Variants in EZH2 observed in about 807,000 individuals in gnomAD.
EZH2 encodes histone-lysine N-methyltransferase EZH2.
Under a neutral mutation model 98.4 loss-of-function variants are expected in EZH2, and 18 were observed. That is an observed-to-expected ratio of 0.18 (90% confidence interval 0.13 to 0.27). The LOEUF (loss-of-function observed/expected upper bound fraction) is 0.27, where lower values mean the gene tolerates loss of function less well. EZH2 is among the 10% of genes least tolerant of loss of function. EZH2 has a pLI of 1.00. For synonymous variants in EZH2, 338 were observed against 312.3 expected, an observed-to-expected ratio of 1.08 and a Z score of -0.87; for missense variants, 470 against 935.1, an observed-to-expected ratio of 0.50 and a Z score of 6.49.
intron 4 of EZH2, among the ~76,000 whole-genome samples, chr7:148,830,804 C>T (rs1302525197): frequency 6.6e-6 from 1 of 152,088 alleles, no homozygotes; most frequent in African/African-American, 2.4e-5. Context: ...AGTTGACATT[C>T]ATAGGAGGAA....
intron 3 of EZH2, among the ~76,000 whole-genome samples, chr7:148,845,065 A>G (rs777280118): frequency 2.0e-5 from 3 of 152,206 alleles, no homozygotes; most frequent in Non-Finnish European, 4.4e-5. Context: ...GTTGACTTTT[A>G]TTATAAACCT....
chr7:148,872,114 T>C (rs1563071614), intron 1 of EZH2, among the ~76,000 whole-genome samples: 1 of 152,190 alleles, frequency 6.6e-6, no homozygotes, highest in South Asian at 2.1e-4. Flanking sequence ...GATTTTAAAA[T>C]GCAGTCTATA....
chr7:148,850,211 G>T (rs1005562755), intron 1 of EZH2, among the ~76,000 whole-genome samples: 1 of 152,020 alleles, frequency 6.6e-6, no homozygotes, highest in African/African-American at 2.4e-5. Flanking sequence ...GTAGAGACAG[G>T]GTTTCACCGT....
At chr7:148,878,034 G>C (rs577455286) in intron 1 of EZH2, among the ~76,000 whole-genome samples, 3 of 152,184 alleles carry the variant, frequency 2.0e-5, no homozygotes. Flanking sequence ...CATCTGTAAA[G>C]GTTTTCGGAG....
intron 14 of EZH2, among the ~76,000 whole-genome samples, chr7:148,814,473 G>A (rs1231879431): frequency 6.6e-6 from 1 of 152,184 alleles, no homozygotes; most frequent in East Asian, 1.9e-4. Flanking sequence ...TAATACCCAA[G>A]CTTCATGTGC....
intron 19 of EZH2, among the ~76,000 whole-genome samples, chr7:148,808,752 C>A (rs749519045): frequency 7.2e-5 from 11 of 152,156 alleles, no homozygotes; most frequent in Non-Finnish European, 1.2e-4. Context: ...TCGCACTTAT[C>A]TGGAAAACGC....
intron 3 of EZH2, among the ~76,000 whole-genome samples, chr7:148,839,468 A>C (rs958246951): frequency 6.6e-6 from 1 of 151,578 alleles, no homozygotes. Flanking sequence ...ACCTTTAAGA[A>C]AGACAAAAAT....
At position 148,847,313 on chromosome 7, in the gene EZH2, C is replaced by T. The variant is rs1814406452; in HGVS notation, c.-7-8G>A. On this transcript the variant is annotated splice_region_variant and splice_polypyrimidine_tract_variant and intron_variant, in intron 1 of 19. Transcript: ENST00000320356. The stretch of plus-strand genomic sequence containing the variant: ...GTCTGGCCCATGATTATTCTAAAAG[C>T]AATGGTTTCATATTAAAATCACTAA... 6.2e-7 allele frequency: 1 copy of T among 1,612,582 alleles called. No homozygotes were observed. Among genetic ancestry groups the T allele is most frequent in the Non-Finnish European group, 8.5e-7 (1 of 1,179,706 alleles).
chr7:148,853,083 G>A (rs922580235), intron 1 of EZH2, among the ~76,000 whole-genome samples: 2 of 152,152 alleles, frequency 1.3e-5, no homozygotes, highest in South Asian at 2.1e-4. Flanking sequence ...ATGGTTTCAG[G>A]ATGAAACTGT....
chr7:148,811,605 A>G lies in EZH2; in HGVS notation c.1947+20T>C. 1.3e-6 allele frequency: 2 copies of G among 1,589,422 alleles called. No homozygotes were observed. The highest frequency in any genetic ancestry group is 1.7e-6 in the Non-Finnish European group (2 of 1,158,436). ...TTAGTATATACAATGCCACCTGAAT[A>G]CAGGTTATCAGTGCCTTACCTCTCC... is the stretch of plus-strand genomic sequence containing the variant. On this transcript the variant is annotated intron_variant, in intron 16 of 19. Transcript: ENST00000320356.
intron 1 of EZH2, among the ~76,000 whole-genome samples, chr7:148,863,685 A>C (rs1478264441): frequency 6.6e-6 from 1 of 152,222 alleles, no homozygotes; most frequent in Non-Finnish European, 1.5e-5. Context: ...AAAAAGAAAA[A>C]AGAATGACAA....
chr7:148,813,072 C>A (rs1803581297), intron 15 of EZH2, among the ~76,000 whole-genome samples: 1 of 151,992 alleles, frequency 6.6e-6, no homozygotes, highest in South Asian at 2.1e-4. Context: ...CACACACACA[C>A]ACACACACAC....
At chr7:148,815,068 A>T in intron 13 of EZH2, 29 bp from the exon 14 acceptor site, 1 of 1,609,500 alleles carries the variant, frequency 6.2e-7, no homozygotes, top group Non-Finnish European at 8.5e-7. Context: ...ATGCAGGCCA[A>T]TGAATCCAGG....
chr7:148,826,726 G>A (rs976253795), intron 7 of EZH2, 94 bp from the exon 8 acceptor site: 4 of 1,036,790 alleles, frequency 3.9e-6, no homozygotes, highest in Non-Finnish European at 2.6e-6. Flanking sequence ...TACTTTTGAT[G>A]TTTATCTTGC....
intron 4 of EZH2, among the ~76,000 whole-genome samples, chr7:148,832,091 C>A (rs1196808670): frequency 6.6e-6 from 1 of 152,096 alleles, no homozygotes. Flanking sequence ...CTATAAGCTT[C>A]ATTCCTTTTG....
chr7:148,823,746 G>A (rs1038848455), intron 8 of EZH2, among the ~76,000 whole-genome samples: 6 of 151,664 alleles, frequency 4.0e-5, no homozygotes, highest in African/African-American at 1.5e-4. Context: ...AAACTTTTGG[G>A]CTCAAGCAGT....
At chr7:148,828,933 T>C in intron 5 of EZH2, 53 bp from the exon 6 acceptor site, 1 of 1,535,630 alleles carries the variant, frequency 6.5e-7, no homozygotes, top group Admixed American at 2.1e-5. Context: ...ATGTCAAAAG[T>C]TTATGTATCC....
At chr7:148,821,635 G>A (rs867663138) in intron 8 of EZH2, among the ~76,000 whole-genome samples, 2 of 152,202 alleles carry the variant, frequency 1.3e-5, no homozygotes, top group African/African-American at 4.8e-5. Context: ...GACCAGCCTG[G>A]GCAACATAGT....
chr7:148,843,381 C>CA (rs1359247855), intron 3 of EZH2, among the ~76,000 whole-genome samples: 1 of 151,824 alleles, frequency 6.6e-6, no homozygotes, highest in South Asian at 2.1e-4. Context: ...AAAAACAAAA[C>CA]AAAACCACAC....
Sources: allele counts gnomAD v4.1 joint callset (sites outside exome capture counted in the v4.1 genomes callset), GRCh38; gene constraint gnomAD v4.1.1; transcripts MANE v1.5; gene names NCBI Gene and HGNC (gene_info 2026-07-23, HGNC 2026-07-21).